KCNH1: variants seen among roughly 807,000 people sequenced by gnomAD.
KCNH1 encodes the protein potassium voltage-gated channel subfamily H member 1, also known as voltage-gated delayed rectifier potassium channel KCNH1.
KCNH1 carries 27 observed loss-of-function variants against 69.2 expected under a neutral mutation model. The ratio of observed to expected loss-of-function variants is 0.39; its 90% CI spans 0.29 to 0.54. KCNH1 has a LOEUF of 0.54. Ranked by LOEUF, KCNH1 falls within the 20% of genes least tolerant of loss-of-function variation. The probability of loss-of-function intolerance (pLI) is 0.68; values close to 1 mark genes in which losing one functional copy is unlikely to be tolerated. For missense variants in KCNH1, 798 were observed against 1,261.6 expected, an observed-to-expected ratio of 0.63 and a Z score of 5.57; for synonymous variants, 456 against 487.7, an observed-to-expected ratio of 0.93 and a Z score of 0.86.
intron 6 of KCNH1, among the ~76,000 whole-genome samples, chr1:210,986,643 T>C (rs10863873): frequency 0.24 from 36,054 of 152,066 alleles, 5,865 homozygotes; most frequent in African/African-American, 0.45. Flanking sequence ...GAATTTCTGC[T>C]GAGAGATCAG....
At chr1:210,781,033 C>T (rs910167021) in intron 9 of KCNH1, among the ~76,000 whole-genome samples, 4 of 152,042 alleles carry the variant, frequency 2.6e-5, no homozygotes, top group African/African-American at 4.8e-5. Context: ...GATGACAGAG[C>T]GAGACTCCGT....
intron 10 of KCNH1, among the ~76,000 whole-genome samples, chr1:210,730,235 T>G (rs1682711363): frequency 6.6e-6 from 1 of 152,206 alleles, no homozygotes; most frequent in South Asian, 2.1e-4. Flanking sequence ...CGGCAGGAAC[T>G]ATTGCTGCCT....
chr1:210,982,784 C>A (rs575346088), intron 6 of KCNH1, among the ~76,000 whole-genome samples: 57 of 152,262 alleles, frequency 3.7e-4, no homozygotes, highest in African/African-American at 1.3e-3. Context: ...GGTATACACC[C>A]AGTAATGGGA....
intron 5 of KCNH1, among the ~76,000 whole-genome samples, chr1:211,043,022 G>C (rs556767209): frequency 3.1e-4 from 47 of 152,140 alleles, no homozygotes; most frequent in Admixed American, 2.3e-3. Context: ...AAGAGCATAA[G>C]ACAAGCTAAG....
In KCNH1 at chr1:210,986,339, A is replaced by G. The variant is rs981114078; in HGVS notation, c.1032+32444T>C. 2.0e-5 allele frequency among the ~76,000 whole-genome samples: 3 copies of G among 152,200 alleles called. No homozygotes were observed. In the East Asian group the frequency reaches 5.8e-4, roughly 29 times the overall value. ...GATCCTGTCATTATGATGTTAGCTG[A>G]TTATTTTGCTCATTAGTTGATGCAA... On this transcript the variant is annotated intron_variant, in intron 6 of 10. Transcript: ENST00000271751.
chr1:210,977,300 G>C (rs7535286), intron 6 of KCNH1, among the ~76,000 whole-genome samples: 59,538 of 151,934 alleles, frequency 0.39, 12,142 homozygotes, highest in Non-Finnish European at 0.44. Flanking sequence ...GTCGTGAGGT[G>C]GGGGGAGTGG....
rs140487952 is a variant in KCNH1, at chr1:210,775,003, C to A, written c.2112+345G>T. Among the ~76,000 whole-genome samples the A allele has an allele frequency of 2.6e-5, 4 of 152,202 alleles. No homozygotes were observed. In the East Asian group the frequency reaches 7.7e-4, roughly 29 times the overall value. ...ATTCAGTTTACATTAATTAAATGGCCCCACAGAGCCATGTTGCTGACTAGC... is the reference window on the plus strand; with the variant it reads ...ATTCAGTTTACATTAATTAAATGGCACCACAGAGCCATGTTGCTGACTAGC... On this transcript the variant is annotated intron_variant, in intron 10 of 10. Coordinates refer to ENST00000271751, the MANE Select transcript of KCNH1 (RefSeq NM_172362.3).
chr1:210,983,971 T>C lies in KCNH1; in HGVS notation c.1032+34812A>G, dbSNP rs1688769740. 2.0e-5 allele frequency among the ~76,000 whole-genome samples: 3 copies of C among 152,214 alleles called. No homozygotes were observed. The South Asian group carries it at 6.2e-4, about 32-fold the overall frequency. On this transcript the variant is annotated intron_variant, in intron 6 of 10. Transcript: ENST00000271751. ...ATTGAGCAGTGGTTTGTAATTGTCC[T>C]TGAAGGGGTCCTTCACATCCCTTGT...
intron 7 of KCNH1, chr1:210,860,904 A>C: frequency 1.1e-6 from 1 of 934,808 alleles, no homozygotes; most frequent in Non-Finnish European, 1.8e-6. Flanking sequence ...AGAACACATG[A>C]TTCTGCAACA....
intron 5 of KCNH1, among the ~76,000 whole-genome samples, chr1:211,078,093 A>G (rs537686000): frequency 6.6e-6 from 1 of 152,318 alleles, no homozygotes; most frequent in East Asian, 1.9e-4. Context: ...TATTCACCCA[A>G]TACAGGAGCA....
At chr1:210,811,654 G>T (rs1574271054) in intron 7 of KCNH1, among the ~76,000 whole-genome samples, 1 of 152,118 alleles carries the variant, frequency 6.6e-6, no homozygotes, top group Non-Finnish European at 1.5e-5. Context: ...TCAATGGCTT[G>T]CAAAGGCTTC....
At chr1:210,979,442 A>G (rs1424524818) in intron 6 of KCNH1, among the ~76,000 whole-genome samples, 1 of 152,182 alleles carries the variant, frequency 6.6e-6, no homozygotes, top group African/African-American at 2.4e-5. Context: ...TAGCTAATCC[A>G]TATTTTCAAA....
chr1:211,126,591 A>G (rs1006609230), intron 1 of KCNH1, among the ~76,000 whole-genome samples: 6 of 151,118 alleles, frequency 4.0e-5, no homozygotes, highest in Non-Finnish European at 8.8e-5. Context: ...GGGAGGATGG[A>G]AGGATTACTT....
intron 3 of KCNH1, among the ~76,000 whole-genome samples, chr1:211,098,064 T>C (rs1477865633): frequency 5.3e-5 from 8 of 152,254 alleles, no homozygotes; most frequent in Non-Finnish European, 2.9e-5. Flanking sequence ...CTCATGCCTG[T>C]AATCTCCACC....
At position 210,857,160 on chromosome 1, in the gene KCNH1, G is replaced by C. The variant is rs529984289; in HGVS notation, c.1463-52994C>G. ...TTAAAATCTGAGAAGCACTGGCTTA[G>C]AGCACATACAGGTCAACAGGTTACT... On this transcript the variant is annotated intron_variant, in intron 7 of 10. Transcript: ENST00000271751. Among the ~76,000 whole-genome samples, 3 of 152,024 alleles carry C rather than the reference G, an allele frequency of 2.0e-5. No individual in the cohort carries two copies. In the South Asian group the frequency reaches 6.2e-4, roughly 32 times the overall value.
chr1:210,861,539 A>G, intron 7 of KCNH1: 1 of 772,402 alleles, frequency 1.3e-6, no homozygotes, highest in Admixed American at 1.7e-5. Context: ...ATCTTCTTCA[A>G]TTCGAAGTGT....
chr1:210,768,645 C>T (rs1051081205), intron 10 of KCNH1, among the ~76,000 whole-genome samples: 2 of 152,210 alleles, frequency 1.3e-5, no homozygotes, highest in African/African-American at 2.4e-5. Context: ...CCCATCCTGA[C>T]CCCCTGCCCC....
rs1683839785 is a variant in KCNH1, at chr1:210,775,360, G to A, written c.2100C>T (p.Asn700=). The A allele has an allele frequency of 6.2e-7, 1 of 1,613,864 alleles. No homozygotes were observed. The highest frequency in any genetic ancestry group is 1.3e-5 in the African/African-American group (1 of 74,918). The part of the protein sequence containing the change: ...SFSRNLILTY[N]LRKRIVFRKI... ...ACTTTTAGCTCACCCTCTTCCTCAA[G>A]TTGTACGTCAGAATCAGGTTCCGGG... The change falls in exon 10 of 11, where the codon AAC becomes AAT. Residue 700 remains asparagine (N), a synonymous_variant. Coordinates refer to ENST00000271751, the MANE Select transcript of KCNH1 (RefSeq NM_172362.3).
intron 7 of KCNH1, among the ~76,000 whole-genome samples, chr1:210,847,508 C>G (rs1443687943): frequency 6.7e-6 from 1 of 148,242 alleles, no homozygotes; most frequent in Non-Finnish European, 1.5e-5. Context: ...CATGTTCTCA[C>G]TCATAGGTGG....
Sources: allele counts gnomAD v4.1 joint callset (sites outside exome capture counted in the v4.1 genomes callset), GRCh38; gene constraint gnomAD v4.1.1; transcripts MANE v1.5; gene names NCBI Gene and HGNC (gene_info 2026-07-23, HGNC 2026-07-21).